Variants in IL23R observed in about 807,000 individuals in gnomAD.
IL23R encodes interleukin 23 receptor.
IL23R carries 34 observed loss-of-function variants against 56.9 expected under a neutral mutation model. The ratio of observed to expected loss-of-function variants is 0.60; its 90% CI spans 0.45 to 0.80. The LOEUF is 0.80. IL23R is among the 30% of genes least tolerant of loss of function. The pLI, the probability that IL23R is intolerant of heterozygous loss-of-function variation, is 0.00. For synonymous variants in IL23R, 230 were observed against 249.2 expected (o/e 0.92, Z 0.73); for missense variants, 635 against 730.0 (o/e 0.87, Z 1.50).
At position 67,227,980 on chromosome 1, in the gene IL23R, TTC is replaced by T. The variant is rs1490835206; in HGVS notation, c.955+8252_955+8253del. Among the ~76,000 whole-genome samples, 129 of 87,930 alleles carry T rather than the reference TTC, an allele frequency of 1.5e-3. 7 individuals carry two copies. The highest frequency in any genetic ancestry group is 5.3e-3 in the African/African-American group (116 of 21,684). 57.7% of individuals were successfully genotyped at this position (87,930 alleles called of 152,430 possible). ...TTTCTTTCTTTCTTTCTTTCTTTCT[TTC>T]TTTCTTTCTTTCTTTCTTTCTTTCT... On this transcript the variant is annotated intron_variant, in intron 7 of 10. Transcript: ENST00000347310.
At chr1:67,230,094 C>A (rs1268540142) in intron 7 of IL23R, among the ~76,000 whole-genome samples, 1 of 152,204 alleles carries the variant, frequency 6.6e-6, no homozygotes, top group Non-Finnish European at 1.5e-5. Flanking sequence ...CTGATCACTG[C>A]CACTGCCTGC....
At chr1:67,207,628 T>G (rs751025414) in intron 6 of IL23R, 3 of 404,842 alleles carry the variant, frequency 7.4e-6, no homozygotes, top group South Asian at 5.7e-5. Context: ...CATTTTCTCT[T>G]GCCACCACTA....
chr1:67,232,186 C>T (rs78254060), intron 7 of IL23R, among the ~76,000 whole-genome samples: 7,470 of 152,214 alleles, frequency 0.049, 218 homozygotes, highest in Middle Eastern at 0.088. Flanking sequence ...CCCTTCTATA[C>T]TTTTCAAGCA....
At position 67,184,568 on chromosome 1, in the gene IL23R, TAAATAAAATAAAATAAAATA is replaced by T. The variant is rs10555527; in HGVS notation, c.491+1641_491+1660del. ...GTCTCAAAAAATAAATAAAATAAAA[TAAATAAAATAAAATAAAATA>T]AAATAAAATAAAATAAAATAAAATA... On this transcript the variant is annotated intron_variant, in intron 4 of 10. Transcript: ENST00000347310. Among the ~76,000 whole-genome samples the T allele has an allele frequency of 1.5e-3, 214 of 143,002 alleles. 1 individual carries two copies. The highest frequency in any genetic ancestry group is 4.3e-3 in the South Asian group (19 of 4,468). The allele number at this position is 143,002 out of a possible 152,430, so 93.8% of individuals were successfully genotyped here.
chr1:67,255,019 A>G (rs1652861733), intron 9 of IL23R, among the ~76,000 whole-genome samples: 1 of 152,214 alleles, frequency 6.6e-6, no homozygotes, highest in Non-Finnish European at 1.5e-5. Flanking sequence ...CCGCATCAAG[A>G]AAGTTTGGAG....
At chr1:67,177,683 A>G (rs1647029806) in intron 3 of IL23R, among the ~76,000 whole-genome samples, 2 of 151,448 alleles carry the variant, frequency 1.3e-5, no homozygotes, top group South Asian at 2.1e-4. Context: ...TTCATCATGA[A>G]GTCTTTGCCC....
rs763855459 is a variant in IL23R, at chr1:67,219,705, G to GT, written c.936dup (p.His313SerfsTer2). The GT allele has an allele frequency of 1.9e-6, 3 of 1,613,694 alleles. No homozygotes were observed. The highest frequency in any genetic ancestry group is 2.5e-6 in the Non-Finnish European group (3 of 1,179,616). ...GGTACTGGCAGCCTTGGAGTTCACT[G>GT]TTTTTTCATAAAACACCTGAAACAG... On this transcript the variant is annotated frameshift_variant, in exon 7 of 11. Transcript: ENST00000347310. LOFTEE classifies it high-confidence loss of function.
chr1:67,202,518 G>A (rs766318082), intron 5 of IL23R, among the ~76,000 whole-genome samples: 7 of 152,164 alleles, frequency 4.6e-5, no homozygotes, highest in South Asian at 2.1e-4. Flanking sequence ...GATTACAGGC[G>A]TGAGCCACTG....
Position 67,147,300 on chromosome 1 carries a change from C to A in IL23R, c.-634+8139C>A, listed in dbSNP as rs150925620. On this transcript the variant is annotated intron_variant, in intron 1 of 10. Transcript: ENST00000637002. ...TCCATAACAGGCCCCATTCTTCTTC[C>A]ATTAATTCCCATTTTTTCACATAGT... Among the ~76,000 whole-genome samples, 487 of 152,272 alleles carry A rather than the reference C, an allele frequency of 3.2e-3. 4 individuals carry two copies. The highest frequency in any genetic ancestry group is 0.011 in the African/African-American group (461 of 41,548).
intron 9 of IL23R, among the ~76,000 whole-genome samples, chr1:67,243,614 C>G (rs141752003): frequency 6.6e-6 from 1 of 152,156 alleles, no homozygotes; most frequent in Non-Finnish European, 1.5e-5. Flanking sequence ...CCAGATTCAT[C>G]CATGTCCCTG....
At chr1:67,228,018 CT>C (rs1553295017) in intron 7 of IL23R, among the ~76,000 whole-genome samples, 1 of 69,838 alleles carries the variant, frequency 1.4e-5, no homozygotes, top group African/African-American at 5.9e-5. Context: ...TTCTTTCTTT[CT>C]TCCTTTCTTT....
chr1:67,204,802 A>G (rs537995093), intron 5 of IL23R, among the ~76,000 whole-genome samples: 13 of 149,808 alleles, frequency 8.7e-5, no homozygotes, highest in East Asian at 7.9e-4. Flanking sequence ...GGGGTTGGGC[A>G]GAGTCTTGCT....
At chr1:67,181,127 T>TG (rs1291582461) in intron 3 of IL23R, among the ~76,000 whole-genome samples, 2 of 152,178 alleles carry the variant, frequency 1.3e-5, no homozygotes, top group African/African-American at 4.8e-5. Flanking sequence ...GGAGTATCTT[T>TG]GTGGCGTTCT....
chr1:67,154,805 TTA>T (rs1175194745), intron 1 of IL23R, among the ~76,000 whole-genome samples: 1 of 152,190 alleles, frequency 6.6e-6, no homozygotes, highest in African/African-American at 2.4e-5. Context: ...GTTAATATTG[TTA>T]TGTGTGAATT....
intron 6 of IL23R, among the ~76,000 whole-genome samples, chr1:67,210,919 C>T (rs1235328125): frequency 2.0e-5 from 3 of 152,120 alleles, no homozygotes; most frequent in African/African-American, 7.2e-5. Flanking sequence ...AATCCTTTTG[C>T]TGTTTAAGAC....
chr1:67,177,009 C>T (rs774151744), intron 3 of IL23R, among the ~76,000 whole-genome samples: 1 of 152,110 alleles, frequency 6.6e-6, no homozygotes, highest in Admixed American at 6.5e-5. Context: ...TTTTAATCCA[C>T]TCTATCATTG....
intron 1 of IL23R, 23 bp from the exon 2 acceptor site, chr1:67,168,069 C>T (rs1333658732): frequency 1.8e-5 from 23 of 1,272,962 alleles, no homozygotes; most frequent in Non-Finnish European, 1.6e-5. Context: ...ACAATTTAAA[C>T]ATTTTTCATA....
intron 4 of IL23R, among the ~76,000 whole-genome samples, chr1:67,200,284 C>T (rs1425572962): frequency 2.0e-5 from 3 of 152,014 alleles, no homozygotes; most frequent in Admixed American, 6.6e-5. Flanking sequence ...CCTTGTGATC[C>T]GCCCGCCTCG....
intron 7 of IL23R, among the ~76,000 whole-genome samples, chr1:67,230,897 G>A (rs984721524): frequency 2.0e-5 from 3 of 152,160 alleles, no homozygotes; most frequent in African/African-American, 7.2e-5. Flanking sequence ...GAGCTAAACT[G>A]GCCTGGCTTG....
Sources: gnomAD v4.1 joint callset for allele counts (sites outside exome capture counted in the v4.1 genomes callset) on GRCh38, gnomAD v4.1.1 for gene constraint, MANE v1.5 for transcripts, NCBI Gene and HGNC (gene_info 2026-07-23, HGNC 2026-07-21) for gene names.